SIPA1L3: variants seen among roughly 807,000 people sequenced by gnomAD.
The protein encoded by SIPA1L3 is signal-induced proliferation-associated 1-like protein 3.
A neutral mutation model predicts 150.1 loss-of-function variants in SIPA1L3; 59 were observed. That is an observed-to-expected ratio of 0.39 (90% CI 0.32 to 0.49). The LOEUF is 0.49. Among genes scored for constraint, SIPA1L3 ranks in the 20% least tolerant of loss-of-function variants. SIPA1L3 has a pLI of 0.86. For missense variants in SIPA1L3, 2,211 were observed against 2,489.5 expected (o/e 0.89, Z 2.38); for synonymous variants, 1,070 against 1,077.6 (o/e 0.99, Z 0.14).
In SIPA1L3 at chr19:38,059,756, G is replaced by A. The variant is rs552641843; in HGVS notation, c.-310-21500G>A. 3.0e-4 allele frequency among the ~76,000 whole-genome samples: 45 copies of A among 152,028 alleles called. No homozygotes were observed. The East Asian group carries it at 6.8e-3, about 23-fold the overall frequency. ...CTGCTGGCAGCCTGGAACCCCCATG[G>A]GCTCTGGCCACCAGAACCCTTTTTT... is the stretch of plus-strand genomic sequence containing the variant. On this transcript the variant is annotated intron_variant, in intron 2 of 21. Transcript: ENST00000222345.
intron 15 of SIPA1L3, among the ~76,000 whole-genome samples, chr19:38,169,431 G>GT (rs1412256826): frequency 6.6e-6 from 1 of 151,936 alleles, no homozygotes; most frequent in Non-Finnish European, 1.5e-5. Flanking sequence ...GGCCTTTAGT[G>GT]TCAGCCCACC....
At chr19:38,064,325 C>G (rs1969520037) in intron 2 of SIPA1L3, among the ~76,000 whole-genome samples, 1 of 152,242 alleles carries the variant, frequency 6.6e-6, no homozygotes, top group Admixed American at 6.5e-5. Context: ...TGTCTGGCCC[C>G]TGAGCCCAGA....
intron 1 of SIPA1L3, among the ~76,000 whole-genome samples, chr19:37,976,566 G>A (rs1967082430): frequency 6.6e-6 from 1 of 152,012 alleles, no homozygotes; most frequent in South Asian, 2.1e-4. Context: ...GGATATTCTT[G>A]GGCACTTTTT....
At chr19:38,138,991 T>C (rs1971507802) in intron 10 of SIPA1L3, among the ~76,000 whole-genome samples, 1 of 151,434 alleles carries the variant, frequency 6.6e-6, no homozygotes, top group East Asian at 1.9e-4. Context: ...AGGTCAGGCA[T>C]TCAAGACCAG....
chr19:38,065,291 C>T (rs967762050), intron 2 of SIPA1L3, among the ~76,000 whole-genome samples: 1 of 152,000 alleles, frequency 6.6e-6, no homozygotes, highest in Non-Finnish European at 1.5e-5. Context: ...ACTCCATGGG[C>T]CCTCAAGTAG....
At chr19:38,196,435 C>CGG (rs879288084) in intron 18 of SIPA1L3, among the ~76,000 whole-genome samples, 65,642 of 137,206 alleles carry the variant, frequency 0.48, 17,575 homozygotes, top group Middle Eastern at 0.62. Flanking sequence ...AGGTCAAGGG[C>CGG]AGAGCAAGGA....
At chr19:37,950,076 CAAAAAAA>C (rs35506284) in intron 1 of SIPA1L3, among the ~76,000 whole-genome samples, 35 of 55,698 alleles carry the variant, frequency 6.3e-4, no homozygotes, top group African/African-American at 1.8e-3. Flanking sequence ...GACTGTGTCT[CAAAAAAA>C]AAAAAAAAAA....
chr19:38,084,580 C>A (rs1970081670), intron 3 of SIPA1L3, among the ~76,000 whole-genome samples: 2 of 132,402 alleles, frequency 1.5e-5, no homozygotes, highest in South Asian at 2.7e-4. Context: ...AGACGAAGTA[C>A]TAGCAGCTAG....
In SIPA1L3 at chr19:38,047,850, T is replaced by C. The variant is rs1380933476; in HGVS notation, c.-311+18694T>C. 2.0e-5 allele frequency among the ~76,000 whole-genome samples: 3 copies of C among 152,172 alleles called. No individual in the cohort carries two copies. Among genetic ancestry groups the C allele is most frequent in the Non-Finnish European group, 4.4e-5 (3 of 68,034 alleles). On this transcript the variant is annotated intron_variant, in intron 2 of 21. Transcript: ENST00000222345. This position sits in a 1 kb window ranked among gnomAD's most constrained non-coding sequence, Gnocchi z 4.7. ...AGCTGCAGGAGTGCCAGGCTGGGCT[T>C]TCTGGTCCTGTCTCTCATCCTCAGC...
At chr19:38,203,270 C>T (rs777082330) in intron 20 of SIPA1L3, among the ~76,000 whole-genome samples, 4 of 152,188 alleles carry the variant, frequency 2.6e-5, no homozygotes, top group Non-Finnish European at 4.4e-5. Flanking sequence ...GGCCCCTGGG[C>T]GGCGCTCCTG....
chr19:38,169,325 G>A (rs1290291893), intron 15 of SIPA1L3, among the ~76,000 whole-genome samples: 6 of 151,992 alleles, frequency 3.9e-5, no homozygotes, highest in Admixed American at 2.0e-4. Flanking sequence ...GGAGGCAGAG[G>A]TTGCAGTGAG....
At chr19:38,113,849 G>A (rs1970823739) in intron 8 of SIPA1L3, among the ~76,000 whole-genome samples, 1 of 152,088 alleles carries the variant, frequency 6.6e-6, no homozygotes, top group Non-Finnish European at 1.5e-5. Context: ...GCCCTCTGGT[G>A]ATCAGGTGAC....
intron 15 of SIPA1L3, among the ~76,000 whole-genome samples, chr19:38,167,555 C>T (rs1972237677): frequency 6.6e-6 from 1 of 152,106 alleles, no homozygotes; most frequent in African/African-American, 2.4e-5. Context: ...GTTCATCTCC[C>T]TAGACAAGTG....
At chr19:38,053,568 T>G (rs1237620011) in intron 2 of SIPA1L3, among the ~76,000 whole-genome samples, 1 of 152,014 alleles carries the variant, frequency 6.6e-6, no homozygotes, top group Non-Finnish European at 1.5e-5. Context: ...TACTTTTTTT[T>G]TTTTGGAGAT....
chr19:38,050,644 C>T (rs62121394), intron 2 of SIPA1L3, among the ~76,000 whole-genome samples: 23,130 of 152,186 alleles, frequency 0.15, 1,848 homozygotes, highest in South Asian at 0.27. Context: ...TCTCCTGGGT[C>T]GTCCAAGAGA....
At chr19:37,990,535 C>T (rs1967477380) in intron 1 of SIPA1L3, among the ~76,000 whole-genome samples, 1 of 152,202 alleles carries the variant, frequency 6.6e-6, no homozygotes, top group Admixed American at 6.5e-5. Context: ...GGAATAGATA[C>T]AGCAATAGCC....
At chr19:38,193,933 G>T (rs1339586069) in intron 18 of SIPA1L3, among the ~76,000 whole-genome samples, 153 bp downstream of exon 18, 1 of 152,164 alleles carries the variant, frequency 6.6e-6, no homozygotes, top group Non-Finnish European at 1.5e-5. Context: ...AACTTCGGGG[G>T]GCCTGATGGT....
At chr19:38,151,961 C>CAAAA (rs35851181) in intron 12 of SIPA1L3, among the ~76,000 whole-genome samples, 9 of 86,104 alleles carry the variant, frequency 1.0e-4, no homozygotes, top group East Asian at 3.4e-4. Flanking sequence ...GACCCCATCT[C>CAAAA]AAAAAAAAAA....
chr19:38,089,494 A>G (rs192997552), intron 4 of SIPA1L3, among the ~76,000 whole-genome samples: 7 of 152,344 alleles, frequency 4.6e-5, no homozygotes, highest in African/African-American at 1.4e-4. Context: ...ATAAAAGGGA[A>G]GGTAAGGGAT....
Sources: allele counts gnomAD v4.1 joint callset (sites outside exome capture counted in the v4.1 genomes callset), GRCh38; gene constraint gnomAD v4.1.1; non-coding constraint Gnocchi (gnomAD v3.1); transcripts MANE v1.5; gene names NCBI Gene and HGNC (gene_info 2026-07-23, HGNC 2026-07-21).